SYNPO2: variants seen among roughly 807,000 people sequenced by gnomAD.
The protein encoded by SYNPO2 is synaptopodin-2.
SYNPO2 carries 56 observed loss-of-function variants against 85.0 expected under a neutral mutation model. The ratio of observed to expected loss-of-function variants is 0.66; its 90% CI spans 0.53 to 0.82. The LOEUF (loss-of-function observed/expected upper bound fraction) is 0.82. Ranked by LOEUF, SYNPO2 falls within the 40% of genes least tolerant of loss-of-function variation. The pLI is 0.00. For synonymous variants in SYNPO2, 602 were observed against 591.1 expected (o/e 1.02, Z -0.27); for missense variants, 1,575 against 1,534.2 (o/e 1.03, Z -0.44).
At chr4:119,020,323 T>G (rs1737672093) in intron 1 of SYNPO2, among the ~76,000 whole-genome samples, 1 of 152,190 alleles carries the variant, frequency 6.6e-6, no homozygotes, top group Non-Finnish European at 1.5e-5. Flanking sequence ...GACCTCAGAA[T>G]GTATTCTCTG....
At chr4:119,034,105 G>A (rs1433178766) in intron 4 of SYNPO2, 6 of 985,296 alleles carry the variant, frequency 6.1e-6, no homozygotes, top group Non-Finnish European at 7.2e-6. Context: ...ATATAACACA[G>A]TTGTTTGTAT....
chr4:119,047,698 C>T (rs1039072406), intron 4 of SYNPO2, among the ~76,000 whole-genome samples: 5 of 152,118 alleles, frequency 3.3e-5, no homozygotes, highest in Admixed American at 2.6e-4. Context: ...CTCAAGGGAG[C>T]GTTTGTTTTA....
At chr4:118,920,751 T>G (rs988291471) in intron 1 of SYNPO2, among the ~76,000 whole-genome samples, 11 of 152,144 alleles carry the variant, frequency 7.2e-5, no homozygotes, top group African/African-American at 2.2e-4. Context: ...AAATAAATAT[T>G]TTCACAGTAC....
chr4:119,045,169 C>T (rs912451213), intron 4 of SYNPO2, among the ~76,000 whole-genome samples: 17 of 152,196 alleles, frequency 1.1e-4, no homozygotes, highest in Non-Finnish European at 2.1e-4. Flanking sequence ...ATTAGCTCCA[C>T]TTCAAATAGC....
intron 1 of SYNPO2, among the ~76,000 whole-genome samples, chr4:118,918,299 T>C (rs1229214069): frequency 6.6e-6 from 1 of 152,212 alleles, no homozygotes; most frequent in East Asian, 1.9e-4. Context: ...TGTATATTTA[T>C]ATAATTTGTT....
At chr4:118,879,321 C>G (rs543757323) in intron 1 of SYNPO2, among the ~76,000 whole-genome samples, 2 of 152,184 alleles carry the variant, frequency 1.3e-5, no homozygotes, top group Admixed American at 6.5e-5. Flanking sequence ...TTCCTTTTCC[C>G]TAGGCTCTGG....
intron 4 of SYNPO2, chr4:119,043,301 C>T (rs1004557891): frequency 6.6e-6 from 1 of 152,036 alleles, no homozygotes; most frequent in Admixed American, 6.6e-5. Context: ...TTTTAGTCTC[C>T]CCAGAAGTTA....
chr4:119,043,491 A>C (rs904478476), intron 4 of SYNPO2: 1 of 152,230 alleles, frequency 6.6e-6, no homozygotes, highest in Non-Finnish European at 1.5e-5. Flanking sequence ...AATCAAAATG[A>C]AGGCAAACTT....
chr4:119,027,361 A>AAGGC lies in SYNPO2; in HGVS notation c.994_997dup (p.Thr333ArgfsTer31). On this transcript the variant is annotated frameshift_variant, in exon 3 of 5. Transcript: ENST00000307142. LOFTEE classifies it high-confidence loss of function. ...CTGGTATCCTTTGCCGTCTCATCAGAAGGCACAGAGCAGGGAGAAGATCCA... is the reference window on the plus strand; with the variant it reads ...CTGGTATCCTTTGCCGTCTCATCAGAAGGCAGGCACAGAGCAGGGAGAAGATCCA... 1.9e-6 allele frequency: 3 copies of AAGGC among 1,613,874 alleles called. No homozygotes were observed. Among genetic ancestry groups the AAGGC allele is most frequent in the Non-Finnish European group, 2.5e-6 (3 of 1,180,020 alleles).
chr4:118,989,975 T>C (rs1736351365), intron 1 of SYNPO2, among the ~76,000 whole-genome samples: 1 of 152,250 alleles, frequency 6.6e-6, no homozygotes, highest in African/African-American at 2.4e-5. Flanking sequence ...GAGATGAATA[T>C]ACATGGCCTC....
chr4:118,961,095 T>G, intron 1 of SYNPO2, among the ~76,000 whole-genome samples: 1 of 41,276 alleles, frequency 2.4e-5, no homozygotes, highest in East Asian at 3.9e-3. Flanking sequence ...GGGGCTATTT[T>G]ACCGCCCCCC....
chr4:118,860,561 TG>T (rs61690455), intron 1 of SYNPO2, among the ~76,000 whole-genome samples: 37,147 of 106,154 alleles, frequency 0.35, 8,181 homozygotes, highest in African/African-American at 0.62. Context: ...CCTTTTTTTT[TG>T]TTTTTTTTTT....
chr4:119,005,099 T>G (rs1161050426), intron 1 of SYNPO2, among the ~76,000 whole-genome samples: 1 of 152,212 alleles, frequency 6.6e-6, no homozygotes, highest in Non-Finnish European at 1.5e-5. Flanking sequence ...GTAAATTTGT[T>G]TGAGTTCATT....
Position 119,030,580 on chromosome 4 carries a change from C to T in SYNPO2, c.1805C>T (p.Pro602Leu), listed in dbSNP as rs143987900. The T allele has an allele frequency of 8.7e-6, 14 of 1,614,038 alleles. 1 individual carries two copies. The East Asian group carries it at 1.6e-4, about 18-fold the overall frequency. Reference protein sequence around the residue: ...FPGSVNQPATPFSPTRNMTSP... With the variant: ...FPGSVNQPATLFSPTRNMTSP... ...GGGTCTGTGAATCAGCCAGCTACCC[C>T]CTTCTCGCCAACCCGAAACATGACG... The change falls in exon 4 of 5, where the codon CCC becomes CTC. Residue 602 changes from proline (P) to leucine (L), a missense_variant. Pro to Leu is a moderately conservative substitution (Grantham distance 98). This residue lies in a region of SYNPO2 where 1,508 missense variants were observed against 1,446.8 expected (regional missense o/e 1.04). Transcript: ENST00000307142.
Position 119,057,982 on chromosome 4 carries a change from C to T in SYNPO2, c.*48C>T, listed in dbSNP as rs371757070. The T allele has an allele frequency of 7.5e-5, 114 of 1,521,712 alleles. No individual in the cohort carries two copies. Among genetic ancestry groups the T allele is most frequent in the Admixed American group, 2.7e-4 (13 of 48,254 alleles). The allele number at this position is 1,521,712 out of a possible 1,614,324, so 94.3% of individuals were successfully genotyped here. On this transcript the variant is annotated 3_prime_UTR_variant, in exon 5 of 5. Transcript: ENST00000307142. ...GCCAACTGTAGTTTTTTAAAAAAAA[C>T]GCTCCTTTGTAGGGTTTTAAACTTT...
chr4:118,989,326 T>G (rs1736327286), intron 1 of SYNPO2, among the ~76,000 whole-genome samples: 1 of 152,174 alleles, frequency 6.6e-6, no homozygotes. Context: ...GTGAAGAGGT[T>G]TCTGGAGTGT....
intron 1 of SYNPO2, among the ~76,000 whole-genome samples, chr4:118,904,712 A>G (rs1351446258): frequency 1.3e-5 from 2 of 152,176 alleles, no homozygotes; most frequent in African/African-American, 4.8e-5. Flanking sequence ...GTAAATGATA[A>G]TACATTCAAC....
intron 4 of SYNPO2, chr4:119,037,340 GA>G (rs1443399210): frequency 8.1e-7 from 1 of 1,232,622 alleles, no homozygotes; most frequent in Non-Finnish European, 1.0e-6. Context: ...GCCCTGAGTT[GA>G]AAAAATTTCA....
chr4:119,055,608 A>G (rs1056878483), intron 4 of SYNPO2, among the ~76,000 whole-genome samples: 3 of 152,246 alleles, frequency 2.0e-5, no homozygotes, highest in African/African-American at 7.2e-5. Context: ...ATGTTAATTT[A>G]TGTTAAATGA....
Sources: gnomAD v4.1 joint callset for allele counts (sites outside exome capture counted in the v4.1 genomes callset) on GRCh38, gnomAD v4.1.1 for gene constraint, gnomAD v4.1.1 regional missense constraint, MANE v1.5 for transcripts, NCBI Gene and HGNC (gene_info 2026-07-23, HGNC 2026-07-21) for gene names.